The following PAG1 variants were observed in gnomAD, a reference collection of about 807,000 sequenced individuals.
PAG1 encodes the protein phosphoprotein membrane anchor with glycosphingolipid microdomains 1.
In PAG1, 23 loss-of-function variants were observed where a neutral mutation model predicts 31.7. The observed-to-expected ratio is 0.73, with a 90% CI of 0.52 to 1.03. PAG1 has a LOEUF of 1.03. Among genes scored for constraint, PAG1 ranks in the 50% least tolerant of loss-of-function variants. The pLI, the probability that PAG1 is intolerant of heterozygous loss-of-function variation, is 0.00. For synonymous variants in PAG1, 214 were observed against 210.3 expected (o/e 1.02, Z -0.15); for missense variants, 473 against 540.7 (o/e 0.87, Z 1.24).
intron 2 of PAG1, among the ~76,000 whole-genome samples, chr8:81,032,505 C>T (rs1479440889): frequency 6.6e-6 from 1 of 152,194 alleles, no homozygotes; most frequent in Non-Finnish European, 1.5e-5. Flanking sequence ...AAATCAACCA[C>T]AATGAGATAC....
intron 7 of PAG1, among the ~76,000 whole-genome samples, chr8:80,984,034 A>C (rs1807363184): frequency 6.6e-6 from 1 of 152,184 alleles, no homozygotes; most frequent in Non-Finnish European, 1.5e-5. Flanking sequence ...CTTCCTACTA[A>C]AACTGAATAG....
chr8:81,065,785 TTATA>T (rs145622605), intron 2 of PAG1, among the ~76,000 whole-genome samples: 2 of 150,970 alleles, frequency 1.3e-5, no homozygotes, highest in African/African-American at 2.4e-5. Flanking sequence ...ACTATGTATT[TTATA>T]TATATATGTA....
At chr8:81,107,572 A>G (rs1439815992) in intron 1 of PAG1, among the ~76,000 whole-genome samples, 1 of 152,208 alleles carries the variant, frequency 6.6e-6, no homozygotes, top group East Asian at 1.9e-4. Context: ...CTTCCACAAA[A>G]GAGGATAATA....
intron 3 of PAG1, among the ~76,000 whole-genome samples, chr8:81,028,003 T>G (rs1391239798): frequency 6.6e-6 from 1 of 151,764 alleles, no homozygotes; most frequent in African/African-American, 2.4e-5. Flanking sequence ...ACAGCTGCTG[T>G]TGGGGCTGCT....
intron 3 of PAG1, among the ~76,000 whole-genome samples, chr8:81,009,966 A>C (rs1807952490): frequency 6.6e-6 from 1 of 152,168 alleles, no homozygotes; most frequent in Non-Finnish European, 1.5e-5. Context: ...AAGTTGGCTT[A>C]ATAGATCAGG....
intron 3 of PAG1, among the ~76,000 whole-genome samples, chr8:81,001,847 A>G (rs1006156126): frequency 6.6e-6 from 1 of 152,142 alleles, no homozygotes; most frequent in Non-Finnish European, 1.5e-5. Context: ...TCTCAGCCCC[A>G]GGTATTCACA....
intron 8 of PAG1, among the ~76,000 whole-genome samples, chr8:80,979,135 T>G (rs1807244629): frequency 6.6e-6 from 1 of 152,258 alleles, no homozygotes. Context: ...TTCTGTCATG[T>G]TAAAAATTCA....
chr8:81,041,222 G>A (rs1162762597), intron 2 of PAG1, among the ~76,000 whole-genome samples: 1 of 152,132 alleles, frequency 6.6e-6, no homozygotes, highest in Non-Finnish European at 1.5e-5. Context: ...TCATCAACAG[G>A]TGTTGCCATG....
At chr8:81,089,946 T>C (rs1224368601) in intron 1 of PAG1, among the ~76,000 whole-genome samples, 1 of 152,218 alleles carries the variant, frequency 6.6e-6, no homozygotes, top group Non-Finnish European at 1.5e-5. Flanking sequence ...TGATCCTATA[T>C]TGAGTCTCTC....
At chr8:81,071,741 T>C (rs1809096858) in intron 1 of PAG1, among the ~76,000 whole-genome samples, 1 of 152,088 alleles carries the variant, frequency 6.6e-6, no homozygotes, top group African/African-American at 2.4e-5. Flanking sequence ...AAGTTACAAG[T>C]AAGTAGCACA....
At chr8:81,025,122 A>G (rs1428569907) in intron 3 of PAG1, among the ~76,000 whole-genome samples, 1 of 152,068 alleles carries the variant, frequency 6.6e-6, no homozygotes, top group Non-Finnish European at 1.5e-5. Flanking sequence ...TTTTCCCTCA[A>G]TATCTGTTTG....
chr8:81,080,273 T>A (rs955644511), intron 1 of PAG1, among the ~76,000 whole-genome samples: 1 of 152,184 alleles, frequency 6.6e-6, no homozygotes, highest in African/African-American at 2.4e-5. Context: ...GATGGACTAG[T>A]GATTTCAGCA....
intron 2 of PAG1, among the ~76,000 whole-genome samples, chr8:81,055,166 C>T (rs571849619): frequency 1.3e-4 from 20 of 150,572 alleles, no homozygotes; most frequent in African/African-American, 2.9e-4. Flanking sequence ...TGGGCTCAAG[C>T]GATCCTCCCG....
rs186327582 is a variant in PAG1 at position 81,052,695 on chromosome 8, C to A, written c.-175+17417G>T. Reference sequence around the variant, plus strand: ...TAAGATCAATTGTGAGCACCGGGAACTATTATTCTTGGGATTATTTTGTGT... The same window carrying A: ...TAAGATCAATTGTGAGCACCGGGAAATATTATTCTTGGGATTATTTTGTGT... On this transcript the variant is annotated intron_variant, in intron 2 of 8. Transcript: ENST00000220597. 5.3e-5 allele frequency among the ~76,000 whole-genome samples: 8 copies of A among 152,312 alleles called. No individual in the cohort carries two copies. In the South Asian group the frequency reaches 8.3e-4, roughly 16 times the overall value.
intron 1 of PAG1, among the ~76,000 whole-genome samples, chr8:81,079,641 T>C (rs901289627): frequency 2.6e-5 from 4 of 152,040 alleles, no homozygotes; most frequent in African/African-American, 9.7e-5. Context: ...GAAAGACCAA[T>C]AGGGGTGGAG....
chr8:80,998,785 C>T (rs899245090), intron 3 of PAG1, among the ~76,000 whole-genome samples: 1 of 152,106 alleles, frequency 6.6e-6, no homozygotes, highest in East Asian at 1.9e-4. Flanking sequence ...TGAAGCAGGT[C>T]TAGGTCAGTA....
chr8:81,067,511 G>C (rs2130953313), intron 2 of PAG1: 1 of 152,214 alleles, frequency 6.6e-6, no homozygotes, highest in East Asian at 1.9e-4. Context: ...TGTTTTTCAG[G>C]GCATAAGCAG....
chr8:81,006,083 C>T (rs1015666036), intron 3 of PAG1, among the ~76,000 whole-genome samples: 3 of 152,156 alleles, frequency 2.0e-5, no homozygotes, highest in Admixed American at 6.5e-5. Flanking sequence ...CCTGGGACTA[C>T]AGGCATGTGC....
rs559156511 is a variant in PAG1 at position 81,001,553 on chromosome 8, C to T, written c.-80-8246G>A. On this transcript the variant is annotated intron_variant, in intron 3 of 8. Coordinates refer to ENST00000220597, the MANE Select transcript of PAG1 (RefSeq NM_018440.4). ...TATAATCCATTACTGTGGCTTTACC[C>T]AAGTTCCCTCCAGGGCCCCCAAGAG... 5.9e-5 allele frequency among the ~76,000 whole-genome samples: 9 copies of T among 152,250 alleles called. No individual in the cohort carries two copies. The East Asian group carries it at 1.5e-3, about 26-fold the overall frequency.
Sources: gnomAD v4.1 joint callset for allele counts (sites outside exome capture counted in the v4.1 genomes callset) on GRCh38, gnomAD v4.1.1 for gene constraint, MANE v1.5 for transcripts, NCBI Gene and HGNC (gene_info 2026-07-23, HGNC 2026-07-21) for gene names.